SERPINB9: variants seen among roughly 807,000 people sequenced by gnomAD.
SERPINB9 encodes serpin family B member 9, also known as serpin B9.
In SERPINB9, 20 loss-of-function variants were observed where a neutral mutation model predicts 27.2. The ratio of observed to expected loss-of-function variants is 0.74; its 90% CI spans 0.52 to 1.07. SERPINB9 has a LOEUF of 1.07. Ranked by LOEUF, SERPINB9 falls within the 50% of genes least tolerant of loss-of-function variation. SERPINB9 has a pLI of 0.00. For missense variants in SERPINB9, 476 were observed against 460.1 expected (o/e 1.03, Z -0.32); for synonymous variants, 189 against 180.0 (o/e 1.05, Z -0.40).
At chr6:2,893,593 T>G in intron 4 of SERPINB9, 40 bp from the exon 5 acceptor site, 1 of 1,572,214 alleles carries the variant, frequency 6.4e-7, no homozygotes, top group Non-Finnish European at 8.7e-7. Context: ...TTGCTTTTTA[T>G]AAGAACCTGA....
At chr6:2,895,827 G>A (rs982559178) in intron 3 of SERPINB9, among the ~76,000 whole-genome samples, 2 of 151,906 alleles carry the variant, frequency 1.3e-5, no homozygotes, top group African/African-American at 2.4e-5. Flanking sequence ...TAGGCTGGGC[G>A]TGGTGGCTCA....
In SERPINB9 at chr6:2,899,274, GACAA is replaced by G. The variant is rs1264519407; in HGVS notation, c.168+1166_168+1169del. 3.9e-5 allele frequency among the ~76,000 whole-genome samples: 6 copies of G among 152,188 alleles called. No homozygotes were observed. In the East Asian group the frequency reaches 5.8e-4, roughly 15 times the overall value. ...TAAAAAAACAAAACCAAAAACCTTT[GACAA>G]ACAGACAGGGAAGGCCATGAAGAGA... On this transcript the variant is annotated intron_variant, in intron 2 of 6. Coordinates refer to ENST00000380698, the MANE Select transcript of SERPINB9 (RefSeq NM_004155.6).
At position 2,890,309 on chromosome 6, in the gene SERPINB9, C is replaced by T. The variant is rs184429527; in HGVS notation, c.985G>A (p.Ala329Thr). The T allele has an allele frequency of 1.5e-5, 24 of 1,614,106 alleles. No individual in the cohort carries two copies. The Admixed American group carries it at 3.2e-4, about 21-fold the overall frequency. The part of the protein sequence containing the change: ...FVEVNEEGTE[A>T]AAASSCFVVA... ...ACAAAGCAGCTCGACGCTGCCGCTG[C>T]CTCGGTGCCTTCTTCATTCACCTCC... The change falls in exon 7 of 7, where the codon GCA becomes ACA. Residue 329 changes from alanine to threonine, a missense_variant. Transcript: ENST00000380698. This position sits in a 1 kb window ranked among gnomAD's most constrained non-coding sequence, Gnocchi z 6.2.
Position 2,890,160 on chromosome 6 carries a change from C to G in SERPINB9, c.*3G>C, listed in dbSNP as rs777333253. On this transcript the variant is annotated 3_prime_UTR_variant, in exon 7 of 7. Coordinates refer to ENST00000380698, the MANE Select transcript of SERPINB9 (RefSeq NM_004155.6). The surrounding 1 kb of genome is among the most constrained non-coding windows in gnomAD (Gnocchi z 6.2). ...ATGGCCGAGTGCACGGTAAGTGCAC[C>G]CTTTATGGCGATGAGAACCTGCCAC... 2.5e-6 allele frequency: 4 copies of G among 1,610,378 alleles called. No individual in the cohort carries two copies. The highest frequency in any genetic ancestry group is 2.5e-6 in the Non-Finnish European group (3 of 1,177,480).
rs1044744604 is a variant in SERPINB9 at position 2,894,929 on chromosome 6, G to C, written c.424+462C>G. On this transcript the variant is annotated intron_variant, in intron 4 of 6. Coordinates refer to ENST00000380698, the MANE Select transcript of SERPINB9 (RefSeq NM_004155.6). The surrounding 1 kb of genome is among the most constrained non-coding windows in gnomAD (Gnocchi z 4.7). ...CTGGCTAATTTTTGTATTTTTAGTA[G>C]AGATGTTGGGCGGGGGGGGGTCCCA... Among the ~76,000 whole-genome samples, 4 of 107,932 alleles carry C rather than the reference G, an allele frequency of 3.7e-5. No homozygotes were observed. Among genetic ancestry groups the C allele is most frequent in the Non-Finnish European group, 7.8e-5 (4 of 51,392 alleles). The allele number at this position is 107,932 out of a possible 152,430, so 70.8% of individuals were successfully genotyped here. A position where few individuals can be genotyped will look rare whatever the true frequency, so the allele number is the denominator to read the frequency against.
chr6:2,895,650 A>C (rs1229621728), intron 3 of SERPINB9, 142 bp from the exon 4 acceptor site: 1 of 643,758 alleles, frequency 1.6e-6, no homozygotes, highest in Non-Finnish European at 2.7e-6. Context: ...AGATATGTTA[A>C]AATATCAGAG....
At position 2,889,995 on chromosome 6, in the gene SERPINB9, C is replaced by G. The variant is rs191838777; in HGVS notation, c.*168G>C. On this transcript the variant is annotated 3_prime_UTR_variant, in exon 7 of 7. Coordinates refer to ENST00000380698, the MANE Select transcript of SERPINB9 (RefSeq NM_004155.6). ...CAAGATTCTGATTAAGTAGCATAAG[C>G]GAGTGTGGAGCATCATGAATTCATG... The G allele has an allele frequency of 1.7e-4, 93 of 561,040 alleles. No homozygotes were observed. The highest frequency in any genetic ancestry group is 2.6e-4 in the Non-Finnish European group (83 of 323,118). 34.8% of individuals were successfully genotyped at this position (561,040 alleles called of 1,614,324 possible).
chr6:2,899,009 C>T (rs543354722), intron 2 of SERPINB9, among the ~76,000 whole-genome samples: 7 of 152,036 alleles, frequency 4.6e-5, no homozygotes, highest in South Asian at 2.1e-4. Flanking sequence ...CTGCCATTAA[C>T]GCTTCCCTGC....
intron 1 of SERPINB9, among the ~76,000 whole-genome samples, chr6:2,902,735 C>T (rs1768246113): frequency 6.6e-6 from 1 of 152,116 alleles, no homozygotes; most frequent in South Asian, 2.1e-4. Context: ...CCAGACTGGT[C>T]TCGAACTCCT....
Position 2,900,483 on chromosome 6 carries a change from G to A in SERPINB9, c.129C>T (p.Leu43=). ...VSISSALAMV[L]LGAKGNTATQ... ...TTGCGGTGTTTCCCTTTGCCCCTAG[G>A]AGAACCATGGCCAGGGCAGAGGAGA... Residue 43 remains leucine (L), a synonymous_variant, in exon 2 of 7, where the codon CTC becomes CTT. Coordinates refer to ENST00000380698, the MANE Select transcript of SERPINB9 (RefSeq NM_004155.6). 6.2e-7 allele frequency: 1 copy of A among 1,614,140 alleles called. No homozygotes were observed. The highest frequency in any genetic ancestry group is 8.5e-7 in the Non-Finnish European group (1 of 1,180,014).
intron 2 of SERPINB9, chr6:2,900,018 C>A (rs1410497168): frequency 6.7e-6 from 3 of 445,494 alleles, no homozygotes; most frequent in Non-Finnish European, 1.3e-5. Context: ...TCTGTTGATG[C>A]CCTCCCTGAG....
intron 5 of SERPINB9, 111 bp from the exon 6 acceptor site, chr6:2,892,099 T>TAA: frequency 3.8e-6 from 1 of 266,216 alleles, no homozygotes; most frequent in African/African-American, 5.3e-5. Context: ...ATGCCCCAGT[T>TAA]AACACTAAAA....
In SERPINB9 at chr6:2,887,290, CTG is replaced by C. The variant is rs1200780435; in HGVS notation, c.*2871_*2872del. 1 of 144,954 alleles carries C rather than the reference CTG, an allele frequency of 6.9e-6. No homozygotes were observed. The highest frequency in any genetic ancestry group is 1.6e-5 in the Non-Finnish European group (1 of 64,202). 9.0% of individuals were successfully genotyped at this position (144,954 alleles called of 1,614,324 possible). A position where few individuals can be genotyped will look rare whatever the true frequency, so the allele number is the denominator to read the frequency against. ...TTTGATTATAGAGGAAAACAAAACA[CTG>C]TTTATTAATGAAACATCATAACAAA... On this transcript the variant is annotated 3_prime_UTR_variant, in exon 7 of 7. Transcript: ENST00000380698.
At chr6:2,902,820 G>A (rs1768247796) in intron 1 of SERPINB9, among the ~76,000 whole-genome samples, 1 of 152,206 alleles carries the variant, frequency 6.6e-6, no homozygotes, top group African/African-American at 2.4e-5. Flanking sequence ...GCCCGGCCGA[G>A]ACTGGTGACT....
At chr6:2,892,105 TAAAAAAAAAAAAA>T (rs535487251) in intron 5 of SERPINB9, 117 bp from the exon 6 acceptor site, 72 of 118,022 alleles carry the variant, frequency 6.1e-4, no homozygotes, top group East Asian at 9.2e-4. Flanking sequence ...CAGTTAACAC[TAAAAAAAAAAAAA>T]AAAAAAAAAA....
rs918257124 is a variant in SERPINB9 at position 2,889,967 on chromosome 6, T to C, written c.*196A>G. Reference sequence around the variant, plus strand: ...AACAGGGAATCATTATGGTCTATTTTCTCAAGATTCTGATTAAGTAGCATA... The same window carrying C: ...AACAGGGAATCATTATGGTCTATTTCCTCAAGATTCTGATTAAGTAGCATA... On this transcript the variant is annotated 3_prime_UTR_variant, in exon 7 of 7. Coordinates refer to ENST00000380698, the MANE Select transcript of SERPINB9 (RefSeq NM_004155.6). 1 of 492,912 alleles carries C rather than the reference T, an allele frequency of 2.0e-6. No individual in the cohort carries two copies. Among genetic ancestry groups the C allele is most frequent in the Non-Finnish European group, 3.6e-6 (1 of 281,146 alleles). 30.5% of individuals were successfully genotyped at this position (492,912 alleles called of 1,614,324 possible). A position where few individuals can be genotyped will look rare whatever the true frequency, so the allele number is the denominator to read the frequency against.
In SERPINB9 at chr6:2,896,262, C is replaced by A; in HGVS notation, c.169-72G>T. The A allele has an allele frequency of 2.1e-6, 3 of 1,423,338 alleles. No individual in the cohort carries two copies. In the East Asian group the frequency reaches 6.9e-5, roughly 33 times the overall value. 88.2% of individuals were successfully genotyped at this position (1,423,338 alleles called of 1,614,324 possible). A position where few individuals can be genotyped will look rare whatever the true frequency, so the allele number is the denominator to read the frequency against. On this transcript the variant is annotated intron_variant, in intron 2 of 6. Transcript: ENST00000380698. Reference sequence around the variant, plus strand: ...GGCTGGGGAGAGGAGAGAGAGGGGACAGAAAACAGGCGAGTAAAAGATGTA... The same window carrying A: ...GGCTGGGGAGAGGAGAGAGAGGGGAAAGAAAACAGGCGAGTAAAAGATGTA...
At chr6:2,899,092 G>C (rs941964637) in intron 2 of SERPINB9, among the ~76,000 whole-genome samples, 1 of 152,118 alleles carries the variant, frequency 6.6e-6, no homozygotes, top group Non-Finnish European at 1.5e-5. Flanking sequence ...TGGAGCCATG[G>C]AGAGAGCTCA....
rs767693211 is a variant in SERPINB9, at chr6:2,891,925, C to T, written c.631G>A (p.Glu211Lys). 6.2e-6 allele frequency: 10 copies of T among 1,613,464 alleles called. No individual in the cohort carries two copies. The highest frequency in any genetic ancestry group is 8.5e-6 in the Non-Finnish European group (10 of 1,179,914). Residue 211 changes from glutamate to lysine, a missense_variant, in exon 6 of 7, where the codon GAG becomes AAG. Glu to Lys is a moderately conservative substitution (Grantham distance 56, BLOSUM62 1). Transcript: ENST00000380698. This position sits in a 1 kb window ranked among gnomAD's most constrained non-coding sequence, Gnocchi z 4.0. Reference protein sequence around the residue: ...EATFKLAHVGEVRAQLLELPY... With the variant: ...EATFKLAHVGKVRAQLLELPY... ...AGCTCCAGCAGCTGCGCGCGCACCT[C>T]GCCCACGTGGGCGAGCTTAAACGTG...
Sources: gnomAD v4.1 joint callset for allele counts (sites outside exome capture counted in the v4.1 genomes callset) on GRCh38, gnomAD v4.1.1 for gene constraint, Gnocchi (gnomAD v3.1) non-coding constraint, MANE v1.5 for transcripts, NCBI Gene and HGNC (gene_info 2026-07-23, HGNC 2026-07-21) for gene names.